WDR41: variants seen among roughly 807,000 people sequenced by gnomAD.
WDR41 encodes the protein WD repeat-containing protein 41.
WDR41 carries 63 observed loss-of-function variants against 69.3 expected under a neutral mutation model. The ratio of observed to expected loss-of-function variants is 0.91; its 90% CI spans 0.74 to 1.12. The LOEUF is 1.12. Ranked by LOEUF, WDR41 falls within the 50% of genes most tolerant of loss-of-function variation. The pLI is 0.00. For synonymous variants in WDR41, 185 were observed against 192.1 expected (o/e 0.96, Z 0.31); for missense variants, 543 against 534.5 (o/e 1.02, Z -0.16).
intron 1 of WDR41, among the ~76,000 whole-genome samples, chr5:77,558,094 T>TAAAAAAAAAAAAA (rs71608105): frequency 4.8e-5 from 5 of 104,280 alleles, no homozygotes; most frequent in African/African-American, 1.4e-4. Flanking sequence ...ATGTTCTTTT[T>TAAAAAAAAAAAAA]AAAAAAAAAA....
chr5:77,449,238 C>G (rs1481269465), intron 8 of WDR41, among the ~76,000 whole-genome samples: 1 of 94,472 alleles, frequency 1.1e-5, no homozygotes, highest in African/African-American at 7.2e-5. Context: ...AAACCCCCAC[C>G]ACGAGGAAGG....
chr5:77,590,371 C>T (rs570727952), intron 1 of WDR41, among the ~76,000 whole-genome samples: 1 of 152,148 alleles, frequency 6.6e-6, no homozygotes, highest in Non-Finnish European at 1.5e-5. Flanking sequence ...GTAGAGGAAA[C>T]ACATCGGAGT....
At chr5:77,485,962 G>C (rs163028) in intron 2 of WDR41, among the ~76,000 whole-genome samples, 1 of 151,826 alleles carries the variant, frequency 6.6e-6, no homozygotes, top group Non-Finnish European at 1.5e-5. Flanking sequence ...AAAACCCAGA[G>C]TGTAATGTCT....
intron 1 of WDR41, among the ~76,000 whole-genome samples, chr5:77,560,836 T>C (rs1370772358): frequency 6.6e-6 from 1 of 152,144 alleles, no homozygotes; most frequent in Non-Finnish European, 1.5e-5. Flanking sequence ...TTCCTAATTA[T>C]GGATTTGATA....
At chr5:77,549,444 C>A (rs1040873187) in intron 1 of WDR41, among the ~76,000 whole-genome samples, 2 of 152,034 alleles carry the variant, frequency 1.3e-5, no homozygotes, top group African/African-American at 4.8e-5. Flanking sequence ...AAATCAGTAA[C>A]ATTTCTATAC....
At chr5:77,461,760 C>G (rs1409356996) in intron 4 of WDR41, among the ~76,000 whole-genome samples, 2 of 151,904 alleles carry the variant, frequency 1.3e-5, no homozygotes, top group Non-Finnish European at 2.9e-5. Context: ...ATCACTTGAA[C>G]CTGGGAGGTG....
In WDR41 at chr5:77,431,616, A is replaced by G. The variant is rs1379322401; in HGVS notation, c.*1519T>C. On this transcript the variant is annotated 3_prime_UTR_variant, in exon 13 of 13. Coordinates refer to ENST00000296679, the MANE Select transcript of WDR41 (RefSeq NM_018268.4). ...TGCTTCCAAAATTCATGTGATTTCT[A>G]CCACTCCATTTGAATAGATTACTAT... The G allele has an allele frequency of 1.3e-5, 2 of 152,134 alleles. No individual in the cohort carries two copies. The highest frequency in any genetic ancestry group is 1.5e-5 in the Non-Finnish European group (1 of 68,030). The allele number at this position is 152,134 out of a possible 1,614,324, so 9.4% of individuals were successfully genotyped here.
At position 77,432,945 on chromosome 5, in the gene WDR41, G is replaced by T. The variant is rs1798782322; in HGVS notation, c.*190C>A. ...GGAAAAACTTGTGGTATATTCTTTG[G>T]AGGATATACTAGGACCTGAGAAGCA... On this transcript the variant is annotated 3_prime_UTR_variant, in exon 13 of 13. Transcript: ENST00000296679. 6 of 542,654 alleles carry T rather than the reference G, an allele frequency of 1.1e-5. No homozygotes were observed. The highest frequency in any genetic ancestry group is 1.3e-5 in the Non-Finnish European group (4 of 318,076). The allele number at this position is 542,654 out of a possible 1,614,324, so 33.6% of individuals were successfully genotyped here. A position where few individuals can be genotyped will look rare whatever the true frequency, so the allele number is the denominator to read the frequency against.
intron 2 of WDR41, among the ~76,000 whole-genome samples, chr5:77,470,712 T>C (rs1365804378): frequency 6.6e-6 from 1 of 152,092 alleles, no homozygotes; most frequent in African/African-American, 2.4e-5. Context: ...AGGGATCAAT[T>C]CACAAGAAGA....
chr5:77,545,964 G>C (rs1360867008), intron 1 of WDR41: 1 of 489,524 alleles, frequency 2.0e-6, no homozygotes, highest in Admixed American at 3.8e-5. Context: ...CTCCGTGCTG[G>C]TGACCTCATC....
chr5:77,557,504 G>A (rs1743424137), intron 1 of WDR41, among the ~76,000 whole-genome samples: 1 of 152,170 alleles, frequency 6.6e-6, no homozygotes, highest in Non-Finnish European at 1.5e-5. Context: ...GATGCTCACA[G>A]TAAGATGACA....
chr5:77,480,069 A>G (rs1178241279), intron 2 of WDR41: 1 of 151,684 alleles, frequency 6.6e-6, no homozygotes, highest in Non-Finnish European at 1.5e-5. Context: ...AAACACATGA[A>G]AAAATGCTCA....
At position 77,596,233 on chromosome 5, in the gene WDR41, C is replaced by T. The variant is rs182406770; in HGVS notation, c.42+24246G>A. On this transcript the variant is annotated intron_variant, in intron 1 of 5. Transcript: ENST00000509971. Reference sequence around the variant, plus strand: ...TGTGATCTTGGCTCACTGCAACCTCCGCCTCCCAGGTTCAAGTGACTCTCC... The same window carrying T: ...TGTGATCTTGGCTCACTGCAACCTCTGCCTCCCAGGTTCAAGTGACTCTCC... 6.6e-5 allele frequency among the ~76,000 whole-genome samples: 10 copies of T among 152,242 alleles called. No homozygotes were observed. The East Asian group carries it at 1.4e-3, about 21-fold the overall frequency.
At chr5:77,579,134 G>A (rs187226838) in intron 1 of WDR41, among the ~76,000 whole-genome samples, 3 of 152,196 alleles carry the variant, frequency 2.0e-5, no homozygotes, top group Admixed American at 2.0e-4. Flanking sequence ...AGAAAAATGA[G>A]CAGAGCCTCA....
At chr5:77,456,065 A>C (rs988586884) in intron 5 of WDR41, among the ~76,000 whole-genome samples, 14 of 152,166 alleles carry the variant, frequency 9.2e-5, no homozygotes, top group Non-Finnish European at 1.5e-5. Context: ...TGGTGGAATC[A>C]TAACAATAGT....
rs1247094099 is a variant in WDR41 at position 77,613,842 on chromosome 5, A to G, written c.42+6637T>C. Among the ~76,000 whole-genome samples, 5 of 152,226 alleles carry G rather than the reference A, an allele frequency of 3.3e-5. No homozygotes were observed. The East Asian group carries it at 7.7e-4, about 23-fold the overall frequency. Reference sequence around the variant, plus strand: ...CTTCTGCAAAGCAAAAGAAACTACCATTAGAGTGAACAGGCAACCTACAGA... The same window carrying G: ...CTTCTGCAAAGCAAAAGAAACTACCGTTAGAGTGAACAGGCAACCTACAGA... On this transcript the variant is annotated intron_variant, in intron 1 of 5. Transcript: ENST00000509971.
chr5:77,481,200 G>C (rs1801239484), intron 2 of WDR41, among the ~76,000 whole-genome samples: 1 of 151,992 alleles, frequency 6.6e-6, no homozygotes, highest in Admixed American at 6.5e-5. Flanking sequence ...AGTAGAGATG[G>C]AGTTTCACCA....
chr5:77,603,976 G>A (rs778537973), intron 1 of WDR41, among the ~76,000 whole-genome samples: 7 of 152,090 alleles, frequency 4.6e-5, no homozygotes, highest in Non-Finnish European at 7.4e-5. Flanking sequence ...GATTAATAGA[G>A]CTTTGCAATA....
At chr5:77,619,906 T>G (rs1744745064) in intron 1 of WDR41, among the ~76,000 whole-genome samples, 1 of 152,100 alleles carries the variant, frequency 6.6e-6, no homozygotes, top group African/African-American at 2.4e-5. Context: ...TCGGGGAACC[T>G]GTAGGCCATC....
Sources: gnomAD v4.1 joint callset for allele counts (sites outside exome capture counted in the v4.1 genomes callset) on GRCh38, gnomAD v4.1.1 for gene constraint, MANE v1.5 for transcripts, NCBI Gene and HGNC (gene_info 2026-07-23, HGNC 2026-07-21) for gene names.